Variants in NTAQ1 observed in about 807,000 individuals in gnomAD.
NTAQ1 encodes protein N-terminal glutamine amidohydrolase.
Under a neutral mutation model 28.2 loss-of-function variants are expected in NTAQ1, and 21 were observed. That is an observed-to-expected ratio of 0.74 (90% CI 0.53 to 1.07). The LOEUF is 1.07. Among genes scored for constraint, NTAQ1 ranks in the 50% least tolerant of loss-of-function variants. The pLI, the probability that NTAQ1 is intolerant of heterozygous loss-of-function variation, is 0.00. For missense variants in NTAQ1, 264 were observed against 256.6 expected (o/e 1.03, Z -0.20); for synonymous variants, 105 against 90.0 (o/e 1.17, Z -0.94).
chr8:123,441,259 C>A, intron 5 of NTAQ1, 47 bp from the exon 6 acceptor site: 3 of 1,519,510 alleles, frequency 2.0e-6, no homozygotes, highest in Non-Finnish European at 2.7e-6. Context: ...GCTGTTAAAC[C>A]AAAATTGTGT....
At chr8:123,436,857 G>A (rs903496316) in intron 4 of NTAQ1, among the ~76,000 whole-genome samples, 4 of 152,018 alleles carry the variant, frequency 2.6e-5, no homozygotes, top group Admixed American at 1.3e-4. Flanking sequence ...AATTTCAAGC[G>A]GGTTGGGGAT....
intron 6 of NTAQ1, among the ~76,000 whole-genome samples, chr8:123,460,530 A>C (rs1220870791): frequency 2.0e-5 from 3 of 152,166 alleles, no homozygotes; most frequent in Non-Finnish European, 4.4e-5. Context: ...CAAGGGGAAA[A>C]GATGGAGTGG....
chr8:123,431,939 G>C (rs1814422178), intron 3 of NTAQ1, among the ~76,000 whole-genome samples: 1 of 152,152 alleles, frequency 6.6e-6, no homozygotes, highest in Non-Finnish European at 1.5e-5. Context: ...TTTGAGTCGT[G>C]GTCTTACTCC....
At chr8:123,457,255 C>T (rs1967032) in intron 6 of NTAQ1, among the ~76,000 whole-genome samples, 46,140 of 151,800 alleles carry the variant, frequency 0.3, 7,495 homozygotes, top group South Asian at 0.45. Context: ...TTAGTAGAGA[C>T]GGGGTTTCCC....
At chr8:123,473,298 CT>C (rs112065412), downstream of NTAQ1, among the ~76,000 whole-genome samples, 306 of 139,968 alleles carry the variant, frequency 2.2e-3, no homozygotes, top group Middle Eastern at 3.7e-3. Context: ...TCTTGAAATT[CT>C]TTTTTTTTTT....
intron 5 of NTAQ1, among the ~76,000 whole-genome samples, chr8:123,438,391 T>C (rs11992509): frequency 0.36 from 55,085 of 151,868 alleles, 10,102 homozygotes; most frequent in East Asian, 0.56. Flanking sequence ...CGTGGTGGCT[T>C]ATGCCTGTAA....
intron 3 of NTAQ1, among the ~76,000 whole-genome samples, chr8:123,435,722 C>G (rs1349703321): frequency 6.6e-6 from 1 of 151,814 alleles, no homozygotes; most frequent in African/African-American, 2.4e-5. Flanking sequence ...CAAAAATTAG[C>G]TGGGCGTGGT....
chr8:123,433,950 C>CA (rs1452807548), intron 3 of NTAQ1, among the ~76,000 whole-genome samples: 41 of 148,986 alleles, frequency 2.8e-4, no homozygotes, highest in Non-Finnish European at 5.6e-4. Context: ...AGCTTATCAG[C>CA]AATCGTTAGT....
chr8:123,462,161 T>G (rs1341761267), intron 6 of NTAQ1, among the ~76,000 whole-genome samples: 1 of 152,144 alleles, frequency 6.6e-6, no homozygotes, highest in African/African-American at 2.4e-5. Flanking sequence ...TTCTCATGCC[T>G]TAGCCTCCCG....
At chr8:123,468,676 A>G (rs1054552196) in exon 7 of NTAQ1, among the ~76,000 whole-genome samples, 2 of 152,206 alleles carry the variant, frequency 1.3e-5, no homozygotes, top group Admixed American at 6.5e-5. Flanking sequence ...TAGATGTGCA[A>G]ATATCTCTGT....
intron 6 of NTAQ1, among the ~76,000 whole-genome samples, chr8:123,466,892 GT>G (rs1297879996): frequency 6.6e-6 from 1 of 152,032 alleles, no homozygotes; most frequent in East Asian, 1.9e-4. Flanking sequence ...TACCCTATCA[GT>G]TACATAAATA....
chr8:123,419,104 T>G (rs1813504299), intron 1 of NTAQ1, among the ~76,000 whole-genome samples: 1 of 35,244 alleles, frequency 2.8e-5, no homozygotes, highest in East Asian at 1.3e-3. Flanking sequence ...TTTTTTTTTT[T>G]TTTTTTTTTT....
At chr8:123,453,811 T>C (rs13273789) in intron 6 of NTAQ1, among the ~76,000 whole-genome samples, 55,096 of 152,034 alleles carry the variant, frequency 0.36, 10,098 homozygotes, top group East Asian at 0.56. Flanking sequence ...TCTCCTCATG[T>C]TACAAATTAG....
downstream of NTAQ1, among the ~76,000 whole-genome samples, chr8:123,471,119 C>T (rs1005999260): frequency 4.0e-5 from 6 of 151,244 alleles, no homozygotes; most frequent in South Asian, 2.1e-4. Context: ...TTGGTAGAGA[C>T]GGGGTCTTGT....
At chr8:123,445,692 G>T (rs113884913), downstream of NTAQ1, among the ~76,000 whole-genome samples, 1 of 152,074 alleles carries the variant, frequency 6.6e-6, no homozygotes, top group Non-Finnish European at 1.5e-5. Context: ...TGTAGCCTCC[G>T]CCTCCCGGGT....
chr8:123,432,533 C>A (rs1274866851), intron 3 of NTAQ1, among the ~76,000 whole-genome samples: 2 of 151,652 alleles, frequency 1.3e-5, no homozygotes, highest in Non-Finnish European at 2.9e-5. Context: ...TACTTGGGTG[C>A]CTGAGGCAGG....
intron 1 of NTAQ1, among the ~76,000 whole-genome samples, chr8:123,421,177 GTCAA>G (rs1813666611): frequency 6.6e-6 from 1 of 152,048 alleles, no homozygotes; most frequent in Admixed American, 6.6e-5. Flanking sequence ...TCGACCTGGT[GTCAA>G]TCAATTCTCC....
At chr8:123,442,965 G>T (rs941531469), downstream of NTAQ1, among the ~76,000 whole-genome samples, 1 of 151,630 alleles carries the variant, frequency 6.6e-6, no homozygotes, top group Non-Finnish European at 1.5e-5. Context: ...ACCGCGCCCG[G>T]CCCCCTTCCC....
At chr8:123,443,282 T>C (rs1300941067), downstream of NTAQ1, among the ~76,000 whole-genome samples, 1 of 147,298 alleles carries the variant, frequency 6.8e-6, no homozygotes, top group African/African-American at 2.5e-5. Context: ...CGCCTCCCAA[T>C]GTGCTGGGAT....
Sources: allele counts gnomAD v4.1 joint callset (sites outside exome capture counted in the v4.1 genomes callset), GRCh38; gene constraint gnomAD v4.1.1; transcripts MANE v1.5; gene names NCBI Gene and HGNC (gene_info 2026-07-23, HGNC 2026-07-21).